ESR2: variants seen among roughly 807,000 people sequenced by gnomAD.
The protein encoded by ESR2 is estrogen receptor 2.
ESR2 carries 36 observed loss-of-function variants against 49.6 expected under a neutral mutation model. That is an observed-to-expected ratio of 0.73 (90% CI 0.56 to 0.96). ESR2 has a LOEUF of 0.96. Among genes scored for constraint, ESR2 ranks in the 40% least tolerant of loss-of-function variants. ESR2 has a pLI of 0.00. For missense variants in ESR2, 714 were observed against 693.0 expected (o/e 1.03, Z -0.34); for synonymous variants, 320 against 266.1 (o/e 1.20, Z -1.97).
At chr14:64,265,132 C>A (rs1190004370) in intron 4 of ESR2, among the ~76,000 whole-genome samples, 2 of 152,278 alleles carry the variant, frequency 1.3e-5, no homozygotes, top group East Asian at 1.9e-4. Flanking sequence ...GCTCATTTTT[C>A]TATCAAGGAT....
intron 7 of ESR2, among the ~76,000 whole-genome samples, chr14:64,245,256 G>A (rs2075824153): frequency 1.3e-5 from 2 of 152,108 alleles, no homozygotes; most frequent in African/African-American, 4.8e-5. Flanking sequence ...CTGGCCAGGC[G>A]AGGGCCCAGC....
intron 1 of ESR2, among the ~76,000 whole-genome samples, chr14:64,324,903 A>G (rs1446030974): frequency 6.6e-6 from 1 of 152,238 alleles, no homozygotes; most frequent in Non-Finnish European, 1.5e-5. Flanking sequence ...ATAAGTTTTC[A>G]GAGATCAGAG....
At chr14:64,334,725 C>T (rs1454164331) in intron 1 of ESR2, among the ~76,000 whole-genome samples, 1 of 152,248 alleles carries the variant, frequency 6.6e-6, no homozygotes, top group Non-Finnish European at 1.5e-5. Context: ...CAGCTCACTG[C>T]AACTTCTGCC....
intron 2 of ESR2, among the ~76,000 whole-genome samples, 174 bp downstream of exon 2, chr14:64,282,450 T>C (rs2076693853): frequency 6.6e-6 from 1 of 152,226 alleles, no homozygotes; most frequent in African/African-American, 2.4e-5. Context: ...CAGTTTTTAA[T>C]GAGAACTAAA....
chr14:64,316,702 T>C (rs1332216646), intron 1 of ESR2, among the ~76,000 whole-genome samples: 1 of 151,710 alleles, frequency 6.6e-6, no homozygotes, highest in Non-Finnish European at 1.5e-5. Flanking sequence ...CCAGCTACTT[T>C]GTAGGCTGAG....
At chr14:64,241,176 G>A (rs1738966331) in intron 7 of ESR2, among the ~76,000 whole-genome samples, 1 of 145,254 alleles carries the variant, frequency 6.9e-6, no homozygotes, top group East Asian at 2.7e-4. Flanking sequence ...AAAAAGATAG[G>A]CTAGGCTAAG....
At chr14:64,327,141 C>T (rs67160339) in intron 1 of ESR2, among the ~76,000 whole-genome samples, 24,675 of 151,794 alleles carry the variant, frequency 0.16, 2,734 homozygotes, top group African/African-American at 0.31. Flanking sequence ...TTTTTTGTTC[C>T]ACCTTTTCTC....
At chr14:64,316,530 C>G (rs1474807487) in intron 1 of ESR2, among the ~76,000 whole-genome samples, 1 of 152,112 alleles carries the variant, frequency 6.6e-6, no homozygotes, top group African/African-American at 2.4e-5. Flanking sequence ...TAACTGTGGC[C>G]AGGCACGGTG....
intron 6 of ESR2, among the ~76,000 whole-genome samples, chr14:64,250,642 G>T (rs895962878): frequency 6.6e-6 from 1 of 152,262 alleles, no homozygotes; most frequent in East Asian, 1.9e-4. Flanking sequence ...GGGTTTATGC[G>T]AGTTCCATTT....
In ESR2 at chr14:64,232,970, C is replaced by T. The variant is rs778510816; in HGVS notation, c.*167G>A. 159 of 1,363,350 alleles carry T rather than the reference C, an allele frequency of 1.2e-4. 1 individual carries two copies. The South Asian group carries it at 1.5e-3, about 13-fold the overall frequency. The allele number at this position is 1,363,350 out of a possible 1,614,324, so 84.5% of individuals were successfully genotyped here. ...AAGGGAAACTATGGCTTCCTCACACCGACTCCTGAGAGTTGGGAAGGTGGA... is the reference window on the plus strand; with the variant it reads ...AAGGGAAACTATGGCTTCCTCACACTGACTCCTGAGAGTTGGGAAGGTGGA... On this transcript the variant is annotated 3_prime_UTR_variant, in exon 9 of 9. Coordinates refer to ENST00000341099, the MANE Select transcript of ESR2 (RefSeq NM_001437.3).
rs929699437 is a variant in ESR2, at chr14:64,307,684, A to G, written c.-90-24609T>C. Among the ~76,000 whole-genome samples, 5 of 151,824 alleles carry G rather than the reference A, an allele frequency of 3.3e-5. No homozygotes were observed. The Middle Eastern group carries it at 0.01, about 312-fold the overall frequency. On this transcript the variant is annotated intron_variant, in intron 1 of 8. Transcript: ENST00000358599. ...TGAGTAGGTGGGACTACAGGCGCCC[A>G]CCACCACGCCCGGCTAATTTTTTTG...
intron 4 of ESR2, among the ~76,000 whole-genome samples, chr14:64,261,062 T>C (rs767558196): frequency 6.6e-6 from 1 of 152,130 alleles, no homozygotes; most frequent in Non-Finnish European, 1.5e-5. Flanking sequence ...ACTTTTATTA[T>C]AACACATTCT....
intron 5 of ESR2, among the ~76,000 whole-genome samples, chr14:64,258,067 G>C (rs929967254): frequency 6.6e-6 from 1 of 152,024 alleles, no homozygotes; most frequent in Non-Finnish European, 1.5e-5. Context: ...AAATTATCTG[G>C]TCATGGTGGC....
At chr14:64,278,626 G>A (rs2076604228) in intron 3 of ESR2, among the ~76,000 whole-genome samples, 1 of 152,188 alleles carries the variant, frequency 6.6e-6, no homozygotes, top group Admixed American at 6.5e-5. Flanking sequence ...CTGGGAGGGA[G>A]CAGTTGAGGG....
intron 7 of ESR2, among the ~76,000 whole-genome samples, chr14:64,246,810 A>T (rs1395278977): frequency 6.6e-6 from 1 of 150,974 alleles, no homozygotes; most frequent in Non-Finnish European, 1.5e-5. Context: ...CAACATAATC[A>T]TCAGTATAAG....
intron 7 of ESR2, among the ~76,000 whole-genome samples, chr14:64,243,799 T>C (rs2075792527): frequency 6.6e-6 from 1 of 152,188 alleles, no homozygotes; most frequent in South Asian, 2.1e-4. Flanking sequence ...TCCTTTCTGA[T>C]GGTTCTTTCC....
chr14:64,273,830 CCTT>C (rs34959266), intron 3 of ESR2, among the ~76,000 whole-genome samples: 10,603 of 152,114 alleles, frequency 0.07, 430 homozygotes, highest in Non-Finnish European at 0.083. Flanking sequence ...ATTCCCTCCT[CCTT>C]CTCTATTTTT....
At chr14:64,316,018 TTTTA>T (rs2077250768) in intron 1 of ESR2, among the ~76,000 whole-genome samples, 1 of 151,990 alleles carries the variant, frequency 6.6e-6, no homozygotes, top group Non-Finnish European at 1.5e-5. Context: ...ATTTTTACTT[TTTTA>T]TTTTTTAGAG....
upstream of ESR2, among the ~76,000 whole-genome samples, chr14:64,294,585 A>C (rs2076929085): frequency 6.6e-6 from 1 of 152,044 alleles, no homozygotes; most frequent in African/African-American, 2.4e-5. Flanking sequence ...CCCCAGTCTC[A>C]GATTTAAGAG....
Sources: allele counts gnomAD v4.1 joint callset (sites outside exome capture counted in the v4.1 genomes callset), GRCh38; gene constraint gnomAD v4.1.1; transcripts MANE v1.5; gene names NCBI Gene and HGNC (gene_info 2026-07-23, HGNC 2026-07-21).